Variants in TMEM108 observed in about 807,000 individuals in gnomAD.
TMEM108 encodes the protein transmembrane protein 108, also known as cancer/testis antigen 124.
TMEM108 carries 12 observed loss-of-function variants against 35.1 expected under a neutral mutation model. The ratio of observed to expected loss-of-function variants is 0.34; its 90% CI spans 0.22 to 0.55. The LOEUF is 0.55. Among genes scored for constraint, TMEM108 ranks in the 20% least tolerant of loss-of-function variants. The pLI is 0.89. For synonymous variants in TMEM108, 287 were observed against 308.6 expected, an observed-to-expected ratio of 0.93 and a Z score of 0.73; for missense variants, 680 against 753.3, an observed-to-expected ratio of 0.90 and a Z score of 1.14.
At chr3:133,115,200 G>A (rs185766306) in intron 2 of TMEM108, among the ~76,000 whole-genome samples, 2 of 152,324 alleles carry the variant, frequency 1.3e-5, no homozygotes, top group East Asian at 3.9e-4. Flanking sequence ...TTCATATGCT[G>A]TTGTATAATC....
chr3:133,216,039 C>T (rs1013021478), intron 2 of TMEM108, among the ~76,000 whole-genome samples: 3 of 151,992 alleles, frequency 2.0e-5, no homozygotes, highest in Non-Finnish European at 4.4e-5. Flanking sequence ...TCTGATAAGG[C>T]CAGCAGTTGC....
intron 3 of TMEM108, among the ~76,000 whole-genome samples, chr3:133,264,039 T>C (rs1248746890): frequency 6.6e-6 from 1 of 152,178 alleles, no homozygotes; most frequent in Non-Finnish European, 1.5e-5. Flanking sequence ...AGTGTGATGA[T>C]GCATACCTGT....
chr3:133,250,587 A>AT (rs1477521384), intron 3 of TMEM108, among the ~76,000 whole-genome samples: 1 of 152,218 alleles, frequency 6.6e-6, no homozygotes, highest in African/African-American at 2.4e-5. Flanking sequence ...TAATTCCTGC[A>AT]TTGTTCAAGG....
chr3:133,328,378 G>T (rs1050632374), intron 3 of TMEM108, among the ~76,000 whole-genome samples: 4 of 152,188 alleles, frequency 2.6e-5, no homozygotes, highest in African/African-American at 9.6e-5. Flanking sequence ...GGGTTGGTGA[G>T]ATCAGGCACA....
chr3:133,176,389 G>A (rs1046713521), intron 2 of TMEM108, among the ~76,000 whole-genome samples: 2 of 151,946 alleles, frequency 1.3e-5, no homozygotes, highest in African/African-American at 4.8e-5. Flanking sequence ...GCACCACATC[G>A]CTCTTATTCC....
chr3:133,057,433 G>GTATATATA (rs1339944247), intron 2 of TMEM108, among the ~76,000 whole-genome samples: 2 of 24,858 alleles, frequency 8.0e-5, no homozygotes, highest in African/African-American at 1.8e-4. Context: ...GTGTGTGTGT[G>GTATATATA]TGTATATATA....
intron 2 of TMEM108, among the ~76,000 whole-genome samples, chr3:133,047,109 A>T (rs1387367930): frequency 6.6e-6 from 1 of 152,192 alleles, no homozygotes; most frequent in Non-Finnish European, 1.5e-5. Flanking sequence ...ATGCTTGGAG[A>T]TAAAGCAAAG....
At chr3:133,154,539 T>C (rs957313823) in intron 2 of TMEM108, among the ~76,000 whole-genome samples, 1 of 152,102 alleles carries the variant, frequency 6.6e-6, no homozygotes, top group Non-Finnish European at 1.5e-5. Context: ...CCATAAAAAA[T>C]GATGAGTTTA....
intron 2 of TMEM108, among the ~76,000 whole-genome samples, chr3:133,117,565 C>T (rs1339201860): frequency 6.6e-6 from 1 of 152,202 alleles, no homozygotes; most frequent in East Asian, 1.9e-4. Context: ...ATGGTAATCA[C>T]TGCTGACCTG....
chr3:133,376,508 T>C (rs1279305382), intron 3 of TMEM108, among the ~76,000 whole-genome samples: 1 of 152,196 alleles, frequency 6.6e-6, no homozygotes, highest in Non-Finnish European at 1.5e-5. Flanking sequence ...GACAGCCCTA[T>C]GGCCCAGAAC....
intron 2 of TMEM108, among the ~76,000 whole-genome samples, chr3:133,177,960 CAA>C (rs1354235496): frequency 6.6e-6 from 1 of 152,194 alleles, no homozygotes; most frequent in Non-Finnish European, 1.5e-5. Context: ...GCAACTTCAA[CAA>C]AGTCTCAGGA....
At chr3:133,249,321 G>A (rs1393645725) in intron 3 of TMEM108, among the ~76,000 whole-genome samples, 1 of 152,194 alleles carries the variant, frequency 6.6e-6, no homozygotes, top group Admixed American at 6.6e-5. Flanking sequence ...GCAGTAAAGG[G>A]CAGAGAATGT....
Position 133,316,680 on chromosome 3 carries a change from G to C in TMEM108, c.41-63072G>C, listed in dbSNP as rs542011635. On this transcript the variant is annotated intron_variant, in intron 3 of 5. Coordinates refer to ENST00000321871, the MANE Select transcript of TMEM108 (RefSeq NM_023943.4). The stretch of plus-strand genomic sequence containing the variant: ...CTTACCTGTAACTCTGGAATGTTTT[G>C]AGAATGAGCCAAAATGTCAGATTCT... 3.1e-4 allele frequency among the ~76,000 whole-genome samples: 47 copies of C among 152,316 alleles called. No homozygotes were observed. In the South Asian group the frequency reaches 6.6e-3, roughly 22 times the overall value.
At chr3:133,376,921 T>C (rs947743484) in intron 3 of TMEM108, among the ~76,000 whole-genome samples, 1 of 152,142 alleles carries the variant, frequency 6.6e-6, no homozygotes, top group African/African-American at 2.4e-5. Context: ...TTCCTCACAT[T>C]TGAGGAGGAT....
chr3:133,121,936 T>A (rs1364227172), intron 2 of TMEM108, among the ~76,000 whole-genome samples: 1 of 152,202 alleles, frequency 6.6e-6, no homozygotes, highest in Non-Finnish European at 1.5e-5. Context: ...ATGGTTTCCA[T>A]GTTCTTGTTA....
At chr3:133,300,628 A>G (rs1478276245) in intron 3 of TMEM108, among the ~76,000 whole-genome samples, 1 of 152,112 alleles carries the variant, frequency 6.6e-6, no homozygotes, top group Non-Finnish European at 1.5e-5. Flanking sequence ...TATAAAAAGA[A>G]ATGGGTAAGG....
intron 3 of TMEM108, among the ~76,000 whole-genome samples, chr3:133,240,766 G>A (rs1946301989): frequency 6.6e-6 from 1 of 152,180 alleles, no homozygotes; most frequent in Non-Finnish European, 1.5e-5. Flanking sequence ...CCAGTATATT[G>A]TCTACCTTAG....
chr3:133,243,263 T>C (rs1024454412), intron 3 of TMEM108, among the ~76,000 whole-genome samples: 1 of 152,020 alleles, frequency 6.6e-6, no homozygotes, highest in Non-Finnish European at 1.5e-5. Flanking sequence ...TATAAACACA[T>C]GGGGTCACAT....
At chr3:133,376,955 A>G (rs1349181732) in intron 3 of TMEM108, among the ~76,000 whole-genome samples, 5 of 152,112 alleles carry the variant, frequency 3.3e-5, no homozygotes, top group African/African-American at 7.2e-5. Context: ...CAAGGCGCCA[A>G]TAGGGTTGGA....
Sources: allele counts gnomAD v4.1 joint callset (sites outside exome capture counted in the v4.1 genomes callset), GRCh38; gene constraint gnomAD v4.1.1; transcripts MANE v1.5; gene names NCBI Gene and HGNC (gene_info 2026-07-23, HGNC 2026-07-21).